SEMA3D: variants seen among roughly 807,000 people sequenced by gnomAD.
SEMA3D encodes semaphorin-3D.
A neutral mutation model predicts 100.1 loss-of-function variants in SEMA3D; 84 were observed. The ratio of observed to expected loss-of-function variants is 0.84; its 90% CI spans 0.70 to 1.01. SEMA3D has a LOEUF of 1.01. Among genes scored for constraint, SEMA3D ranks in the 50% least tolerant of loss-of-function variants. SEMA3D has a pLI of 0.00. For synonymous variants in SEMA3D, 312 were observed against 320.7 expected, an observed-to-expected ratio of 0.97 and a Z score of 0.29; for missense variants, 875 against 934.1, an observed-to-expected ratio of 0.94 and a Z score of 0.82.
At chr7:85,028,099 C>T (rs1020095785) in intron 12 of SEMA3D, 4 of 624,508 alleles carry the variant, frequency 6.4e-6, no homozygotes, top group Non-Finnish European at 1.2e-5. Flanking sequence ...ACATATTGGC[C>T]TTTCACGGTG....
At chr7:85,111,202 T>G (rs1419498200) in intron 3 of SEMA3D, among the ~76,000 whole-genome samples, 1 of 151,992 alleles carries the variant, frequency 6.6e-6, no homozygotes, top group Non-Finnish European at 1.5e-5. Flanking sequence ...CTTAATTATT[T>G]CACAGTCTTG....
At chr7:85,041,679 G>A (rs912116110) in intron 10 of SEMA3D, 1 of 152,870 alleles carries the variant, frequency 6.5e-6, no homozygotes, top group African/African-American at 2.4e-5. Context: ...GACTTGGAAG[G>A]AGTTTTTGAG....
At chr7:85,208,964 T>C in the SEMA3D span, among the ~76,000 whole-genome samples, 1 of 152,122 alleles carries the variant, frequency 6.6e-6, no homozygotes, top group Non-Finnish European at 1.5e-5. Flanking sequence ...TCCATCCCAG[T>C]CAAGTGTAGC....
chr7:85,172,432 T>G (rs763718227), intron 1 of SEMA3D, among the ~76,000 whole-genome samples: 8 of 152,026 alleles, frequency 5.3e-5, no homozygotes, highest in Admixed American at 5.2e-4. Flanking sequence ...GAAGCTGAAG[T>G]GACCTTTAAG....
Position 85,135,745 on chromosome 7 carries a change from C to G in SEMA3D, c.-40-13814G>C, listed in dbSNP as rs114245802. On this transcript the variant is annotated intron_variant, in intron 2 of 18. Coordinates refer to ENST00000284136, the MANE Select transcript of SEMA3D (RefSeq NM_001384900.1). ...AAAAAATCAATTTGCAAAGTTTTGT[C>G]AAGTTTCTCCCTCTTCCTATCCCTG... Among the ~76,000 whole-genome samples, 795 of 147,400 alleles carry G rather than the reference C, an allele frequency of 5.4e-3. 9 individuals are homozygous for G. Among genetic ancestry groups the G allele is most frequent in the African/African-American group, 0.018 (744 of 40,238 alleles).
chr7:85,141,493 C>G (rs1224167465), intron 2 of SEMA3D: 3 of 984,886 alleles, frequency 3.0e-6, no homozygotes, highest in Non-Finnish European at 3.6e-6. Flanking sequence ...TGATGCATGT[C>G]CTCCCTAGCA....
At chr7:85,063,446 A>G (rs1264070787) in intron 8 of SEMA3D, among the ~76,000 whole-genome samples, 1 of 152,006 alleles carries the variant, frequency 6.6e-6, no homozygotes, top group Non-Finnish European at 1.5e-5. Flanking sequence ...TTCCTCTACC[A>G]TTTGTCTTTT....
intron 16 of SEMA3D, among the ~76,000 whole-genome samples, chr7:85,013,524 C>T (rs1790016166): frequency 6.6e-6 from 1 of 151,334 alleles, no homozygotes. Flanking sequence ...AAAAAAAATC[C>T]CTGCTACATC....
intron 4 of SEMA3D, among the ~76,000 whole-genome samples, chr7:85,083,869 C>A (rs1788139146): frequency 6.9e-6 from 1 of 144,400 alleles, no homozygotes; most frequent in Admixed American, 7.1e-5. Context: ...TTGCATCGGC[C>A]GGGGGTGGTG....
At chr7:85,135,605 T>G (rs921210004) in intron 2 of SEMA3D, among the ~76,000 whole-genome samples, 1 of 151,292 alleles carries the variant, frequency 6.6e-6, no homozygotes, top group Non-Finnish European at 1.5e-5. Flanking sequence ...TGTATACATA[T>G]GTAACAAACC....
At position 85,048,062 on chromosome 7, in the gene SEMA3D, C is replaced by T. The variant is rs1791058446; in HGVS notation, c.862-5777G>A. ...TACAGTATTATAAATTAAGAAAAAC[C>T]TATTCCATTACCCAAACTAACACTG... On this transcript the variant is annotated intron_variant, in intron 9 of 18. Coordinates refer to ENST00000284136, the MANE Select transcript of SEMA3D (RefSeq NM_001384900.1). Among the ~76,000 whole-genome samples the T allele has an allele frequency of 2.0e-5, 3 of 151,650 alleles. No individual in the cohort carries two copies. In the South Asian group the frequency reaches 6.2e-4, roughly 31 times the overall value.
chr7:85,158,663 C>A (rs560793027), intron 1 of SEMA3D, among the ~76,000 whole-genome samples: 1 of 152,142 alleles, frequency 6.6e-6, no homozygotes, highest in Non-Finnish European at 1.5e-5. Context: ...ACACCCTATT[C>A]GTACAATCCC....
intron 3 of SEMA3D, among the ~76,000 whole-genome samples, chr7:85,119,593 C>T (rs1789348818): frequency 6.6e-6 from 1 of 151,988 alleles, no homozygotes; most frequent in African/African-American, 2.4e-5. Flanking sequence ...GAATAATACA[C>T]CCTGGGGACT....
chr7:85,160,398 T>TAA (rs554760891), intron 1 of SEMA3D, among the ~76,000 whole-genome samples: 28 of 151,062 alleles, frequency 1.9e-4, no homozygotes, highest in African/African-American at 6.6e-4. Flanking sequence ...GCAGAATGAG[T>TAA]AAAATAAATA....
intron 1 of SEMA3D, among the ~76,000 whole-genome samples, chr7:85,174,104 T>C (rs749822069): frequency 2.0e-5 from 3 of 152,052 alleles, no homozygotes; most frequent in Admixed American, 6.6e-5. Context: ...TCCACATAGA[T>C]AAAAGCAGGT....
chr7:85,167,202 A>T, intron 1 of SEMA3D: 2 of 849,704 alleles, frequency 2.4e-6, no homozygotes, highest in Non-Finnish European at 2.8e-6. Context: ...TGAAATGTCA[A>T]GAGTTGAAAT....
At chr7:85,025,788 CA>C (rs1483528547) in intron 12 of SEMA3D, among the ~76,000 whole-genome samples, 5 of 151,970 alleles carry the variant, frequency 3.3e-5, no homozygotes, top group Non-Finnish European at 7.4e-5. Flanking sequence ...CAACCTACAA[CA>C]GATAAAGGCA....
At chr7:85,001,443 T>G (rs1225150688) in intron 18 of SEMA3D, among the ~76,000 whole-genome samples, 1 of 152,206 alleles carries the variant, frequency 6.6e-6, no homozygotes, top group Non-Finnish European at 1.5e-5. Flanking sequence ...GTCTCATGCC[T>G]AAAATAAATG....
intron 4 of SEMA3D, among the ~76,000 whole-genome samples, chr7:85,086,406 T>G (rs1052681900): frequency 6.6e-6 from 1 of 151,982 alleles, no homozygotes; most frequent in Non-Finnish European, 1.5e-5. Context: ...CTTAATTCAA[T>G]CTAAAAACAC....
Sources: allele counts gnomAD v4.1 joint callset (sites outside exome capture counted in the v4.1 genomes callset), GRCh38; gene constraint gnomAD v4.1.1; transcripts MANE v1.5; gene names NCBI Gene and HGNC (gene_info 2026-07-23, HGNC 2026-07-21).